Variants in RIMS2 observed in about 807,000 individuals in gnomAD.
The protein encoded by RIMS2 is regulating synaptic membrane exocytosis protein 2.
In RIMS2, 59 loss-of-function variants were observed where a neutral mutation model predicts 174.4. The ratio of observed to expected loss-of-function variants is 0.34; its 90% CI spans 0.27 to 0.42. The LOEUF (loss-of-function observed/expected upper bound fraction) is 0.42, where lower values mean the gene tolerates loss of function less well. RIMS2 is among the 10% of genes least tolerant of loss of function. The probability of loss-of-function intolerance (pLI) is 1.00; values close to 1 mark genes in which losing one functional copy is unlikely to be tolerated. For synonymous variants in RIMS2, 606 were observed against 572.5 expected (o/e 1.06, Z -0.84); for missense variants, 1,620 against 1,666.3 (o/e 0.97, Z 0.48).
At chr8:104,147,727 C>T (rs2098653670) in intron 19 of RIMS2, among the ~76,000 whole-genome samples, 1 of 152,110 alleles carries the variant, frequency 6.6e-6, no homozygotes, top group African/African-American at 2.4e-5. Context: ...CCTCATAGTC[C>T]TCCTAGGTTT....
intron 19 of RIMS2, among the ~76,000 whole-genome samples, chr8:104,199,835 C>A (rs980854429): frequency 1.3e-5 from 2 of 152,104 alleles, no homozygotes; most frequent in African/African-American, 4.8e-5. Context: ...CTGGGTGGCG[C>A]TGGAAATGCT....
intron 1 of RIMS2, among the ~76,000 whole-genome samples, chr8:103,623,408 T>A (rs1157409924): frequency 3.3e-5 from 5 of 150,948 alleles, no homozygotes; most frequent in African/African-American, 9.7e-5. Flanking sequence ...GTGTGGCAAA[T>A]AATTGGCTCT....
At chr8:104,046,991 A>G (rs2096707423) in intron 19 of RIMS2, among the ~76,000 whole-genome samples, 1 of 152,096 alleles carries the variant, frequency 6.6e-6, no homozygotes, top group African/African-American at 2.4e-5. Context: ...ATATAAAAAT[A>G]TATCACAAAT....
intron 2 of RIMS2, among the ~76,000 whole-genome samples, chr8:103,756,852 C>T (rs1246922833): frequency 6.6e-6 from 1 of 152,054 alleles, no homozygotes; most frequent in African/African-American, 2.4e-5. Flanking sequence ...TTACTGAGCT[C>T]CCTTACTACT....
chr8:103,747,657 A>C (rs557585024), intron 2 of RIMS2, among the ~76,000 whole-genome samples: 2 of 152,128 alleles, frequency 1.3e-5, no homozygotes, highest in Admixed American at 1.3e-4. Flanking sequence ...GTGGGATAAA[A>C]GAGATTTTAT....
intron 3 of RIMS2, among the ~76,000 whole-genome samples, chr8:103,870,596 A>G (rs561220223): frequency 2.0e-5 from 3 of 152,070 alleles, no homozygotes; most frequent in Non-Finnish European, 2.9e-5. Flanking sequence ...TCAATAGAAC[A>G]TATTTTTTCT....
At chr8:104,119,176 C>T (rs1281123204) in intron 19 of RIMS2, among the ~76,000 whole-genome samples, 1 of 149,534 alleles carries the variant, frequency 6.7e-6, no homozygotes, top group Non-Finnish European at 1.5e-5. Flanking sequence ...TAAACCCCGT[C>T]TCTACTTAAA....
intron 1 of RIMS2, among the ~76,000 whole-genome samples, chr8:103,531,079 TA>T (rs60762984): frequency 2.0e-5 from 3 of 151,312 alleles, no homozygotes; most frequent in Non-Finnish European, 4.4e-5. Context: ...ATCAAGCAGA[TA>T]AAAAATTAGT....
At chr8:103,916,368 G>T in intron 7 of RIMS2, 46 bp from the exon 11 acceptor site, 1 of 1,451,466 alleles carries the variant, frequency 6.9e-7, no homozygotes, top group South Asian at 1.2e-5. Flanking sequence ...TAATTTGTCA[G>T]ATCAAATTTT....
chr8:103,746,318 C>T (rs1036383447), intron 2 of RIMS2, among the ~76,000 whole-genome samples: 2 of 151,824 alleles, frequency 1.3e-5, no homozygotes, highest in African/African-American at 4.9e-5. Context: ...ATCCTTATGC[C>T]AATATCTCAG....
chr8:104,188,269 AGATGGATG>A (rs1421260915), intron 19 of RIMS2, among the ~76,000 whole-genome samples: 115 of 122,080 alleles, frequency 9.4e-4, no homozygotes, highest in African/African-American at 3.5e-3. Context: ...ATAGATAGAT[AGATGGATG>A]AAGTATAAAA....
chr8:103,779,360 A>G (rs1000147830), intron 3 of RIMS2, among the ~76,000 whole-genome samples: 53 of 152,136 alleles, frequency 3.5e-4, no homozygotes, highest in Non-Finnish European at 1.0e-4. Context: ...GTTTTCTTCT[A>G]GTAATTTCAC....
At chr8:104,003,025 A>G (rs1015574653) in intron 17 of RIMS2, among the ~76,000 whole-genome samples, 2 of 152,168 alleles carry the variant, frequency 1.3e-5, no homozygotes, top group Admixed American at 6.5e-5. Context: ...CTTTATTAAT[A>G]TCTCTTTATT....
rs142666401 is a variant in RIMS2, at chr8:103,827,263, G to A, written c.699-58035G>A. ...GAATTCTTTTAAAAACTTCAATATC[G>A]AGTTGTTTGCTGCTAGTATATTAAA... On this transcript the variant is annotated intron_variant, in intron 3 of 23. Transcript: ENST00000504942. Among the ~76,000 whole-genome samples the A allele has an allele frequency of 3.6e-4, 55 of 152,058 alleles. 1 individual carries two copies. Among genetic ancestry groups the A allele is most frequent in the African/African-American group, 1.2e-3 (49 of 41,492 alleles).
At chr8:103,876,864 T>TTATATATATATATATATATA (rs199997824) in intron 3 of RIMS2, among the ~76,000 whole-genome samples, 14 of 68,094 alleles carry the variant, frequency 2.1e-4, no homozygotes, top group Admixed American at 4.0e-4. Flanking sequence ...ACACACTATT[T>TTATATATATATATATATATA]TATATATATA....
At chr8:104,137,054 T>G (rs138213431) in intron 19 of RIMS2, among the ~76,000 whole-genome samples, 3 of 152,332 alleles carry the variant, frequency 2.0e-5, no homozygotes, top group Non-Finnish European at 2.9e-5. Context: ...TTATCAGTCA[T>G]CTACATGCCA....
At chr8:103,641,523 A>G (rs1278665229) in intron 1 of RIMS2, among the ~76,000 whole-genome samples, 1 of 151,904 alleles carries the variant, frequency 6.6e-6, no homozygotes, top group Non-Finnish European at 1.5e-5. Flanking sequence ...TAATTCCCCA[A>G]TCTCGTGATG....
At chr8:103,541,125 A>G (rs1842394957) in intron 1 of RIMS2, among the ~76,000 whole-genome samples, 1 of 152,212 alleles carries the variant, frequency 6.6e-6, no homozygotes, top group South Asian at 2.1e-4. Context: ...ATTGGGGAAA[A>G]TGTAAATATC....
intron 15 of RIMS2, among the ~76,000 whole-genome samples, chr8:103,967,858 T>TTTTTTG (rs2092307189): frequency 6.9e-6 from 1 of 145,420 alleles, no homozygotes; most frequent in Non-Finnish European, 1.5e-5. Context: ...CTGCTTTTTT[T>TTTTTTG]TTTTTTTTTT....
Sources: gnomAD v4.1 joint callset for allele counts (sites outside exome capture counted in the v4.1 genomes callset) on GRCh38, gnomAD v4.1.1 for gene constraint, MANE v1.5 for transcripts, NCBI Gene and HGNC (gene_info 2026-07-23, HGNC 2026-07-21) for gene names.